ELMO1: variants seen among roughly 807,000 people sequenced by gnomAD.
The protein encoded by ELMO1 is engulfment and cell motility 1.
A neutral mutation model predicts 98.9 loss-of-function variants in ELMO1; 26 were observed. The ratio of observed to expected loss-of-function variants is 0.26; its 90% CI spans 0.19 to 0.36. ELMO1 has a LOEUF of 0.36. Among genes scored for constraint, ELMO1 ranks in the 10% least tolerant of loss-of-function variants. The pLI, the probability that ELMO1 is intolerant of heterozygous loss-of-function variation, is 1.00. For missense variants in ELMO1, 627 were observed against 935.2 expected (o/e 0.67, Z 4.30); for synonymous variants, 346 against 346.0 (o/e 1.00, Z 0.00).
At chr7:36,986,364 G>A in intron 16 of ELMO1, 1 of 646,182 alleles carries the variant, frequency 1.5e-6, no homozygotes, top group Non-Finnish European at 1.9e-6. Flanking sequence ...AGTGTCCTAT[G>A]CTCTTTTGTC....
At chr7:37,411,379 G>T (rs1300123763) in intron 1 of ELMO1, among the ~76,000 whole-genome samples, 2 of 152,200 alleles carry the variant, frequency 1.3e-5, no homozygotes, top group Non-Finnish European at 2.9e-5. Context: ...AGGAACAAGT[G>T]GGTACAATAA....
chr7:37,146,100 G>T (rs78476870), intron 13 of ELMO1, among the ~76,000 whole-genome samples: 3,700 of 152,282 alleles, frequency 0.024, 163 homozygotes, highest in African/African-American at 0.085. Context: ...TCAATGAGAA[G>T]CTCTGTGGTT....
At chr7:37,009,104 T>C (rs150941741) in intron 16 of ELMO1, among the ~76,000 whole-genome samples, 2 of 152,014 alleles carry the variant, frequency 1.3e-5, no homozygotes, top group Non-Finnish European at 2.9e-5. Flanking sequence ...ATGCTTTAAA[T>C]GAGATTCCCA....
At chr7:37,328,340 G>A (rs1799924384) in intron 2 of ELMO1, among the ~76,000 whole-genome samples, 1 of 129,794 alleles carries the variant, frequency 7.7e-6, no homozygotes, top group Admixed American at 9.5e-5. Flanking sequence ...CCAGGATCAT[G>A]CCACTGCACT....
intron 14 of ELMO1, among the ~76,000 whole-genome samples, chr7:37,098,923 G>A (rs907363317): frequency 4.6e-5 from 7 of 152,198 alleles, no homozygotes; most frequent in Admixed American, 4.6e-4. Flanking sequence ...CTTCCAGCGA[G>A]CACATTCCCT....
At chr7:37,296,147 G>A (rs1798016548) in intron 4 of ELMO1, among the ~76,000 whole-genome samples, 1 of 152,194 alleles carries the variant, frequency 6.6e-6, no homozygotes, top group Admixed American at 6.5e-5. Context: ...GGGTGTCTGT[G>A]AGGGGTGAAA....
intron 6 of ELMO1, among the ~76,000 whole-genome samples, chr7:37,256,429 T>C (rs370833127): frequency 2.0e-5 from 3 of 151,756 alleles, no homozygotes; most frequent in Middle Eastern, 6.8e-3. Context: ...ATCTTGTCTT[T>C]GAATGAGAAA....
rs544924813 is a variant in ELMO1, at chr7:37,304,464, C to T, written c.192+10386G>A. Among the ~76,000 whole-genome samples, 17 of 152,272 alleles carry T rather than the reference C, an allele frequency of 1.1e-4. 1 individual carries two copies. In the South Asian group the frequency reaches 3.5e-3, roughly 32 times the overall value. On this transcript the variant is annotated intron_variant, in intron 4 of 21. Transcript: ENST00000310758. Reference sequence around the variant, plus strand: ...GGCACGGCGGCTCACGCCTGTAATCCCAGCACTTTGGGAGGCTGAGGCAGG... The same window carrying T: ...GGCACGGCGGCTCACGCCTGTAATCTCAGCACTTTGGGAGGCTGAGGCAGG...
chr7:37,007,162 T>C (rs1242356409), intron 16 of ELMO1, among the ~76,000 whole-genome samples: 1 of 152,230 alleles, frequency 6.6e-6, no homozygotes, highest in African/African-American at 2.4e-5. Context: ...CCTAAGACCT[T>C]TGTGAAACAT....
intron 16 of ELMO1, among the ~76,000 whole-genome samples, chr7:37,001,149 G>T (rs576738052): frequency 1.3e-5 from 2 of 152,248 alleles, no homozygotes; most frequent in South Asian, 4.1e-4. Context: ...CTTCCTCAGA[G>T]TATTAGCATC....
chr7:37,377,742 C>CATTG (rs1179650457), intron 1 of ELMO1, among the ~76,000 whole-genome samples: 1 of 152,096 alleles, frequency 6.6e-6, no homozygotes, highest in Non-Finnish European at 1.5e-5. Context: ...ATTCAGCCAC[C>CATTG]ATTGAACCCC....
chr7:37,262,402 G>A (rs565853865), intron 5 of ELMO1, among the ~76,000 whole-genome samples: 1 of 152,308 alleles, frequency 6.6e-6, no homozygotes, highest in African/African-American at 2.4e-5. Context: ...CCCAGTAATA[G>A]CAGTAAAGCC....
chr7:37,344,684 A>T (rs1800909521), intron 1 of ELMO1, among the ~76,000 whole-genome samples: 3 of 152,232 alleles, frequency 2.0e-5, no homozygotes, highest in African/African-American at 7.2e-5. Flanking sequence ...TTGTCTATTT[A>T]CACCCAGCCT....
intron 15 of ELMO1, among the ~76,000 whole-genome samples, chr7:37,091,178 A>G (rs1784066684): frequency 6.6e-6 from 1 of 151,952 alleles, no homozygotes; most frequent in South Asian, 2.1e-4. Flanking sequence ...GGCAATATCG[A>G]CTCACTGCAA....
chr7:37,162,029 G>C (rs1231205368), intron 13 of ELMO1, among the ~76,000 whole-genome samples: 1 of 146,748 alleles, frequency 6.8e-6, no homozygotes, highest in Non-Finnish European at 1.5e-5. Context: ...AAGGAAAGGA[G>C]GGAGAAAAAT....
intron 2 of ELMO1, 27 bp from the exon 3 acceptor site, chr7:37,315,987 T>TC (rs766190744): frequency 2.8e-5 from 39 of 1,375,494 alleles, no homozygotes; most frequent in Admixed American, 5.6e-5. Context: ...AAGGAAATAC[T>TC]TGTTAGTTTC....
At chr7:37,212,374 T>C (rs1489325516) in intron 12 of ELMO1, among the ~76,000 whole-genome samples, 1 of 152,190 alleles carries the variant, frequency 6.6e-6, no homozygotes, top group Non-Finnish European at 1.5e-5. Context: ...ATGGTTAAAA[T>C]AGTAAACTTT....
At chr7:37,375,639 T>C (rs1802307030) in intron 1 of ELMO1, 2 of 1,186,912 alleles carry the variant, frequency 1.7e-6, no homozygotes, top group Non-Finnish European at 2.5e-6. Flanking sequence ...CAGACAAGAA[T>C]GTGCCCAACC....
At chr7:36,892,662 T>C (rs1396094525) in intron 17 of ELMO1, among the ~76,000 whole-genome samples, 1 of 152,266 alleles carries the variant, frequency 6.6e-6, no homozygotes, top group Non-Finnish European at 1.5e-5. Flanking sequence ...AGACTTCATG[T>C]AACCCCATAA....
Sources: gnomAD v4.1 joint callset for allele counts (sites outside exome capture counted in the v4.1 genomes callset) on GRCh38, gnomAD v4.1.1 for gene constraint, MANE v1.5 for transcripts, NCBI Gene and HGNC (gene_info 2026-07-23, HGNC 2026-07-21) for gene names.